Variants in CLEC5A observed in about 807,000 individuals in gnomAD.
CLEC5A encodes C-type lectin domain family 5 member A.
CLEC5A carries 15 observed loss-of-function variants against 24.4 expected under a neutral mutation model. The observed-to-expected ratio is 0.62, with a 90% CI of 0.41 to 0.95. The LOEUF (loss-of-function observed/expected upper bound fraction) is 0.95. Ranked by LOEUF, CLEC5A falls within the 40% of genes least tolerant of loss-of-function variation. The pLI, the probability that CLEC5A is intolerant of heterozygous loss-of-function variation, is 0.00. For synonymous variants in CLEC5A, 71 were observed against 72.6 expected (o/e 0.98, Z 0.11); for missense variants, 211 against 224.0 (o/e 0.94, Z 0.37).
Position 141,931,724 on chromosome 7 carries a change from C to A in CLEC5A, c.448G>T (p.Gly150Cys). 3.3e-6 allele frequency: 5 copies of A among 1,535,404 alleles called. No homozygotes were observed. Among genetic ancestry groups the A allele is most frequent in the Non-Finnish European group, 4.5e-6 (5 of 1,108,418 alleles). The change falls in exon 6 of 7, where the codon GGC becomes TGC. Residue 150 changes from glycine to cysteine, a missense_variant. Coordinates refer to ENST00000546910, the MANE Select transcript of CLEC5A (RefSeq NM_013252.3). Reference sequence around the variant, plus strand: ...AACTGTGGCATGTTCACGTACTTGCCATTGAACACAGAGTTGTTGATCCAA... The same window carrying A: ...AACTGTGGCATGTTCACGTACTTGCAATTGAACACAGAGTTGTTGATCCAA... ...WRWINNSVFN[G>C]NVTNQNQNFN...
intron 4 of CLEC5A, among the ~76,000 whole-genome samples, chr7:141,940,568 G>T (rs1370003092): frequency 6.7e-6 from 1 of 150,102 alleles, no homozygotes; most frequent in Non-Finnish European, 1.5e-5. Flanking sequence ...TAGAACAAAA[G>T]AAATAATAAA....
intron 3 of CLEC5A, among the ~76,000 whole-genome samples, chr7:141,944,196 G>A (rs1554441894): frequency 6.6e-6 from 1 of 151,930 alleles, no homozygotes; most frequent in Non-Finnish European, 1.5e-5. Flanking sequence ...TTTTGATGTA[G>A]CCATAGGCAT....
At chr7:141,930,679 T>TAGCATCCAGTCTAGA (rs1802433081) in intron 6 of CLEC5A, among the ~76,000 whole-genome samples, 1 of 152,194 alleles carries the variant, frequency 6.6e-6, no homozygotes, top group African/African-American at 2.4e-5. Context: ...ATTTGTTGGC[T>TAGCATCCAGTCTAGA]CTCCCACCTC....
intron 1 of CLEC5A, 149 bp from the exon 2 acceptor site, chr7:141,946,461 C>T (rs77457686): frequency 0.016 from 10,522 of 655,192 alleles, 396 homozygotes; most frequent in South Asian, 0.093. Context: ...GGTGACCCAG[C>T]GTGGGCCGCG....
In CLEC5A at chr7:141,941,353, T is replaced by C. The variant is rs117892105; in HGVS notation, c.208+2543A>G. Among the ~76,000 whole-genome samples, 7 of 152,044 alleles carry C rather than the reference T, an allele frequency of 4.6e-5. No individual in the cohort carries two copies. In the East Asian group the frequency reaches 7.7e-4, roughly 17 times the overall value. On this transcript the variant is annotated intron_variant, in intron 4 of 6. Coordinates refer to ENST00000546910, the MANE Select transcript of CLEC5A (RefSeq NM_013252.3). The stretch of plus-strand genomic sequence containing the variant: ...ATACGATCATTTCAATTGATGCTGA[T>C]AAATTATTTGATAAAAGTCAACATC...
chr7:141,941,993 T>C (rs888962302), intron 4 of CLEC5A, among the ~76,000 whole-genome samples: 1 of 151,946 alleles, frequency 6.6e-6, no homozygotes, highest in Admixed American at 6.6e-5. Flanking sequence ...TGTTAAAATG[T>C]CCACTCTACT....
Position 141,927,487 on chromosome 7 carries a change from G to A in CLEC5A, c.*2617C>T, listed in dbSNP as rs143217566. Reference sequence around the variant, plus strand: ...TTGCATCAGTTAGATTTTGCTATACGAGAGATAACCAGAAAACTCCAGTGG... The same window carrying A: ...TTGCATCAGTTAGATTTTGCTATACAAGAGATAACCAGAAAACTCCAGTGG... On this transcript the variant is annotated 3_prime_UTR_variant, in exon 7 of 7. Transcript: ENST00000546910. 192 of 152,352 alleles carry A rather than the reference G, an allele frequency of 1.3e-3. 2 individuals carry two copies. The highest frequency in any genetic ancestry group is 4.3e-3 in the African/African-American group (179 of 41,578). 9.4% of individuals were successfully genotyped at this position (152,352 alleles called of 1,614,324 possible).
intron 1 of CLEC5A, among the ~76,000 whole-genome samples, chr7:141,946,560 T>C (rs2128963126): frequency 6.6e-6 from 1 of 152,326 alleles, no homozygotes; most frequent in South Asian, 2.1e-4. Context: ...GCCTCAGCCT[T>C]GCCCTATTTG....
chr7:141,930,255 C>G lies in CLEC5A; in HGVS notation c.453-37G>C, dbSNP rs1250760347. The G allele has an allele frequency of 2.7e-6, 4 of 1,494,262 alleles. No homozygotes were observed. The African/African-American group carries it at 5.5e-5, about 21-fold the overall frequency. The allele number at this position is 1,494,262 out of a possible 1,614,324, so 92.6% of individuals were successfully genotyped here. A position where few individuals can be genotyped will look rare whatever the true frequency, so the allele number is the denominator to read the frequency against. ...AACAAAACAAAACAAAACAAACAAA[C>G]AAAAAACAAAGCATGGTGATGGCCC... On this transcript the variant is annotated intron_variant, in intron 6 of 6. Transcript: ENST00000546910.
chr7:141,943,777 C>A (rs531869897), intron 4 of CLEC5A, 119 bp downstream of exon 4: 2 of 715,372 alleles, frequency 2.8e-6, no homozygotes, highest in Non-Finnish European at 5.1e-6. Flanking sequence ...ACTGGAAGGT[C>A]GTTATGGTCC....
chr7:141,940,756 G>A (rs1429346770), intron 4 of CLEC5A, among the ~76,000 whole-genome samples: 2 of 151,188 alleles, frequency 1.3e-5, no homozygotes, highest in Non-Finnish European at 3.0e-5. Flanking sequence ...CATTACAATG[G>A]ATGGCACAGA....
At chr7:141,941,275 A>G (rs1486722393) in intron 4 of CLEC5A, among the ~76,000 whole-genome samples, 2 of 152,160 alleles carry the variant, frequency 1.3e-5, no homozygotes, top group Non-Finnish European at 2.9e-5. Flanking sequence ...GGTTCAACAT[A>G]TGCAACTTAA....
At chr7:141,930,304 T>C in intron 6 of CLEC5A, 86 bp from the exon 7 acceptor site, 4 of 1,010,870 alleles carry the variant, frequency 4.0e-6, no homozygotes. Context: ...AGCCTCTTCC[T>C]GATTCCAGAG....
chr7:141,943,751 T>A, intron 4 of CLEC5A, 145 bp downstream of exon 4: 1 of 638,026 alleles, frequency 1.6e-6, no homozygotes, highest in East Asian at 2.7e-5. Flanking sequence ...CAAAATAATA[T>A]GTACAAAGAG....
At chr7:141,941,139 A>T (rs1802785844) in intron 4 of CLEC5A, among the ~76,000 whole-genome samples, 1 of 151,946 alleles carries the variant, frequency 6.6e-6, no homozygotes, top group African/African-American at 2.4e-5. Flanking sequence ...ATGAAACTAC[A>T]CGCAAATATA....
rs1246868459 is a variant in CLEC5A at position 141,929,178 on chromosome 7, G to A, written c.*926C>T. The A allele has an allele frequency of 6.6e-6, 1 of 152,248 alleles. No homozygotes were observed. Among genetic ancestry groups the A allele is most frequent in the Non-Finnish European group, 1.5e-5 (1 of 68,100 alleles). The allele number at this position is 152,248 out of a possible 1,614,324, so 9.4% of individuals were successfully genotyped here. A position where few individuals can be genotyped will look rare whatever the true frequency, so the allele number is the denominator to read the frequency against. On this transcript the variant is annotated 3_prime_UTR_variant, in exon 7 of 7. Coordinates refer to ENST00000546910, the MANE Select transcript of CLEC5A (RefSeq NM_013252.3). ...TTCTAGATCAATGTGATGCCAATCA[G>A]TGCCAGGCTCCTTGGGGTCAGTAGG...
intron 5 of CLEC5A, among the ~76,000 whole-genome samples, chr7:141,932,723 G>C (rs1563073566): frequency 2.0e-5 from 3 of 152,278 alleles, no homozygotes; most frequent in Middle Eastern, 3.4e-3. Context: ...ATGATCAAGA[G>C]GGTTGGCAAA....
intron 4 of CLEC5A, among the ~76,000 whole-genome samples, chr7:141,939,958 G>T (rs1405300866): frequency 6.6e-6 from 1 of 152,086 alleles, no homozygotes; most frequent in East Asian, 1.9e-4. Flanking sequence ...TAGAGCTAAA[G>T]AAATAGATAG....
intron 1 of CLEC5A, 74 bp from the exon 2 acceptor site, chr7:141,946,386 C>T: frequency 7.3e-7 from 1 of 1,367,368 alleles, no homozygotes; most frequent in Non-Finnish European, 1.0e-6. Context: ...ATCCCAGCCT[C>T]TCGCTCAGAG....
Sources: gnomAD v4.1 joint callset for allele counts (sites outside exome capture counted in the v4.1 genomes callset) on GRCh38, gnomAD v4.1.1 for gene constraint, MANE v1.5 for transcripts, NCBI Gene and HGNC (gene_info 2026-07-23, HGNC 2026-07-21) for gene names.